Variants in TRPC4 observed in about 807,000 individuals in gnomAD.
TRPC4 encodes transient receptor potential cation channel subfamily C member 4.
A neutral mutation model predicts 99.4 loss-of-function variants in TRPC4; 49 were observed. The observed-to-expected ratio is 0.49, with a 90% CI of 0.39 to 0.63. The LOEUF (loss-of-function observed/expected upper bound fraction) is 0.63, where lower values mean the gene tolerates loss of function less well. Among genes scored for constraint, TRPC4 ranks in the 20% least tolerant of loss-of-function variants. The pLI is 0.00. For synonymous variants in TRPC4, 454 were observed against 425.9 expected (o/e 1.07, Z -0.81); for missense variants, 898 against 1,152.9 (o/e 0.78, Z 3.20).
chr13:37,686,973 T>C (rs1004569505), intron 4 of TRPC4, among the ~76,000 whole-genome samples: 2 of 149,054 alleles, frequency 1.3e-5, no homozygotes, highest in East Asian at 1.9e-4. Context: ...TTTTCTTTTC[T>C]TTTTTTTTTG....
intron 1 of TRPC4, chr13:37,854,736 G>GA (rs1959142380): frequency 6.6e-6 from 1 of 151,936 alleles, no homozygotes; most frequent in Non-Finnish European, 1.5e-5. Context: ...ACTTCGAATT[G>GA]AAAATCACAC....
chr13:37,646,004 C>A (rs1397462714), intron 8 of TRPC4, among the ~76,000 whole-genome samples: 1 of 152,200 alleles, frequency 6.6e-6, no homozygotes, highest in African/African-American at 2.4e-5. Context: ...TGTCATTAGG[C>A]CTACTAAGCG....
chr13:37,857,008 A>G (rs1301925793), intron 1 of TRPC4, among the ~76,000 whole-genome samples: 1 of 151,500 alleles, frequency 6.6e-6, no homozygotes, highest in Non-Finnish European at 1.5e-5. Context: ...CGCTTTCATA[A>G]CTCTTATTCA....
At chr13:37,827,525 C>G (rs1182658103) in intron 1 of TRPC4, among the ~76,000 whole-genome samples, 10 of 151,978 alleles carry the variant, frequency 6.6e-5, no homozygotes, top group Non-Finnish European at 1.3e-4. Flanking sequence ...GTTGGAGTAC[C>G]CTGCGGTGTG....
intron 3 of TRPC4, among the ~76,000 whole-genome samples, chr13:37,732,324 AGG>A (rs1234011124): frequency 2.4e-4 from 37 of 152,274 alleles, no homozygotes; most frequent in African/African-American, 8.4e-4. Context: ...ATCTAGTCAG[AGG>A]TAATTGTTTT....
chr13:37,638,891 C>T (rs569958507), intron 10 of TRPC4, 149 bp downstream of exon 10: 681 of 705,398 alleles, frequency 9.7e-4, no homozygotes, highest in Non-Finnish European at 1.4e-3. Flanking sequence ...TTTCTTTTTA[C>T]AGTTCTGTAG....
At chr13:37,694,996 T>C (rs1953861079) in intron 3 of TRPC4, among the ~76,000 whole-genome samples, 1 of 152,234 alleles carries the variant, frequency 6.6e-6, no homozygotes, top group Non-Finnish European at 1.5e-5. Context: ...CAGTAATTAA[T>C]AGATTTTCCA....
intron 2 of TRPC4, 54 bp from the exon 3 acceptor site, chr13:37,746,509 T>C: frequency 6.5e-7 from 1 of 1,527,594 alleles, no homozygotes; most frequent in Non-Finnish European, 8.7e-7. Context: ...TTCAAGTCTG[T>C]GAATTTCATA....
chr13:37,648,316 A>G (rs1010596329), intron 8 of TRPC4, among the ~76,000 whole-genome samples: 1 of 152,208 alleles, frequency 6.6e-6, no homozygotes, highest in Non-Finnish European at 1.5e-5. Flanking sequence ...CAAAAAATGT[A>G]TAAAGCTCAA....
intron 1 of TRPC4, among the ~76,000 whole-genome samples, chr13:37,842,376 AG>A (rs1958767896): frequency 4.8e-5 from 7 of 144,614 alleles, no homozygotes; most frequent in African/African-American, 7.6e-5. Flanking sequence ...AAAAAGGAAA[AG>A]GAAAAGTATA....
At chr13:37,737,255 T>A (rs1246686536) in intron 3 of TRPC4, among the ~76,000 whole-genome samples, 1 of 145,194 alleles carries the variant, frequency 6.9e-6, no homozygotes, top group East Asian at 2.2e-4. Context: ...TAATAATAGC[T>A]GATAATAATA....
chr13:37,641,287 G>A (rs1180746113), intron 8 of TRPC4, among the ~76,000 whole-genome samples: 1 of 151,990 alleles, frequency 6.6e-6, no homozygotes, highest in African/African-American at 2.4e-5. Context: ...AAAGAGAGAG[G>A]AACACTAAAA....
At chr13:37,724,965 A>C (rs1470454509) in intron 3 of TRPC4, among the ~76,000 whole-genome samples, 1 of 152,212 alleles carries the variant, frequency 6.6e-6, no homozygotes, top group Non-Finnish European at 1.5e-5. Flanking sequence ...GACTTTAAAC[A>C]AAGACTTTAA....
chr13:37,781,227 T>C (rs1956830428), intron 2 of TRPC4, among the ~76,000 whole-genome samples: 1 of 152,120 alleles, frequency 6.6e-6, no homozygotes, highest in Admixed American at 6.6e-5. Flanking sequence ...TCTTTAGTAA[T>C]AAACATCAAA....
At chr13:37,790,863 G>C (rs1381970696) in intron 1 of TRPC4, among the ~76,000 whole-genome samples, 2 of 152,028 alleles carry the variant, frequency 1.3e-5, no homozygotes, top group Admixed American at 1.3e-4. Context: ...GACATATTTG[G>C]TGAGTTCAAT....
chr13:37,861,797 C>T (rs1283587806), intron 1 of TRPC4, among the ~76,000 whole-genome samples: 1 of 151,462 alleles, frequency 6.6e-6, no homozygotes, highest in Non-Finnish European at 1.5e-5. Flanking sequence ...TCTTTTTATA[C>T]AGCACATGCA....
intron 2 of TRPC4, among the ~76,000 whole-genome samples, chr13:37,761,556 C>CA (rs1008530126): frequency 6.6e-6 from 1 of 151,868 alleles, no homozygotes; most frequent in African/African-American, 2.4e-5. Flanking sequence ...GTCATTTATT[C>CA]AAAATATTTC....
intron 2 of TRPC4, 109 bp from the exon 3 acceptor site, chr13:37,746,564 CGG>C (rs67700792): frequency 5.2e-6 from 5 of 970,850 alleles, no homozygotes; most frequent in Non-Finnish European, 6.8e-6. Context: ...TGTCCTTGGC[CGG>C]GTTTTTTTTT....
intron 7 of TRPC4, among the ~76,000 whole-genome samples, chr13:37,653,345 T>G (rs1296373279): frequency 6.6e-6 from 1 of 151,890 alleles, no homozygotes; most frequent in Non-Finnish European, 1.5e-5. Context: ...ACAGTTAAAT[T>G]TTCCTCTTTT....
Sources: allele counts gnomAD v4.1 joint callset (sites outside exome capture counted in the v4.1 genomes callset), GRCh38; gene constraint gnomAD v4.1.1; transcripts MANE v1.5; gene names NCBI Gene and HGNC (gene_info 2026-07-23, HGNC 2026-07-21).